Variants in PBX1 observed in about 807,000 individuals in gnomAD.
PBX1 encodes the protein PBX homeobox 1.
A neutral mutation model predicts 53.4 loss-of-function variants in PBX1; 6 were observed. The observed-to-expected ratio is 0.11, with a 90% CI of 0.06 to 0.22. The LOEUF (loss-of-function observed/expected upper bound fraction) is 0.22. PBX1 is among the 10% of genes least tolerant of loss of function. The pLI is 1.00. For synonymous variants in PBX1, 204 were observed against 212.3 expected (o/e 0.96, Z 0.34); for missense variants, 251 against 551.4 (o/e 0.46, Z 5.46).
At chr1:164,566,954 C>G (rs1235510278) in intron 2 of PBX1, among the ~76,000 whole-genome samples, 1 of 152,078 alleles carries the variant, frequency 6.6e-6, no homozygotes, top group East Asian at 1.9e-4. Context: ...CCTTAACACC[C>G]TTTTGTTCTC....
At chr1:164,711,859 C>T (rs73025047) in intron 2 of PBX1, among the ~76,000 whole-genome samples, 1,905 of 152,322 alleles carry the variant, frequency 0.013, 37 homozygotes, top group African/African-American at 0.043. Context: ...GAAATGTGGC[C>T]TTCACAGGCC....
intron 2 of PBX1, chr1:164,772,841 A>G (rs1375767607): frequency 2.6e-5 from 4 of 152,224 alleles, no homozygotes; most frequent in Non-Finnish European, 5.9e-5. Context: ...CTGGCTCATG[A>G]TAAGTGGTTA....
chr1:164,860,893 A>G (rs1266172090), intron 2 of PBX1, among the ~76,000 whole-genome samples: 1 of 152,102 alleles, frequency 6.6e-6, no homozygotes, highest in East Asian at 1.9e-4. Flanking sequence ...GAAGAGGGAG[A>G]AAGGGAATAA....
intron 2 of PBX1, among the ~76,000 whole-genome samples, chr1:164,863,387 TC>T (rs1672142755): frequency 6.6e-6 from 1 of 152,174 alleles, no homozygotes; most frequent in Admixed American, 6.5e-5. Context: ...AACACATGTT[TC>T]CCGAGAGCCT....
intron 2 of PBX1, among the ~76,000 whole-genome samples, chr1:164,633,309 C>T (rs553729755): frequency 4.6e-4 from 70 of 152,130 alleles, no homozygotes; most frequent in Non-Finnish European, 5.6e-4. Context: ...GTCACCATGC[C>T]CGGCTAATTT....
chr1:164,815,665 T>A (rs1192511769), intron 6 of PBX1: 3 of 152,190 alleles, frequency 2.0e-5, no homozygotes, highest in Non-Finnish European at 4.4e-5. Context: ...CAGGAAGAAG[T>A]GCCGAGTGAA....
rs574311418 is a variant in PBX1 at position 164,732,879 on chromosome 1, C to T, written c.266-59615C>T. Among the ~76,000 whole-genome samples, 19 of 151,786 alleles carry T rather than the reference C, an allele frequency of 1.3e-4. 1 individual carries two copies. In the South Asian group the frequency reaches 4.0e-3, roughly 32 times the overall value. On this transcript the variant is annotated intron_variant, in intron 2 of 8. Transcript: ENST00000420696. Reference sequence around the variant, plus strand: ...TTCTCTTTTTTATGTCGTCTGAATTCTCAAAGACAGAAATCTACACTTCCT... The same window carrying T: ...TTCTCTTTTTTATGTCGTCTGAATTTTCAAAGACAGAAATCTACACTTCCT...
intron 2 of PBX1, among the ~76,000 whole-genome samples, chr1:164,647,058 C>A (rs577883323): frequency 7.2e-4 from 110 of 152,340 alleles, no homozygotes; most frequent in African/African-American, 2.5e-3. Flanking sequence ...TCAACCCCTG[C>A]ACCTTTGTTT....
intron 6 of PBX1, chr1:164,817,951 G>T (rs1375863791): frequency 6.6e-6 from 1 of 152,220 alleles, no homozygotes; most frequent in Non-Finnish European, 1.5e-5. Flanking sequence ...ACATCATCTA[G>T]AGACGATGGG....
chr1:164,714,554 A>G (rs1663983498), intron 2 of PBX1, among the ~76,000 whole-genome samples: 1 of 152,224 alleles, frequency 6.6e-6, no homozygotes, highest in Admixed American at 6.5e-5. Context: ...ACTGAAGAAG[A>G]TATTTAGGCC....
intron 2 of PBX1, chr1:164,642,003 T>G (rs1045858845): frequency 1.3e-5 from 2 of 152,220 alleles, no homozygotes; most frequent in Non-Finnish European, 2.9e-5. Context: ...CACTGCTTTT[T>G]GGTGGCTCTT....
chr1:164,809,129 C>T (rs149050772), intron 5 of PBX1, among the ~76,000 whole-genome samples: 127 of 152,254 alleles, frequency 8.3e-4, no homozygotes, highest in South Asian at 2.3e-3. Context: ...ATCATGGAAC[C>T]TTCTGCTTTT....
chr1:164,601,235 CAAAAAAAAAAAAAA>C (rs746798555), intron 2 of PBX1, among the ~76,000 whole-genome samples: 2 of 33,998 alleles, frequency 5.9e-5, no homozygotes, highest in East Asian at 1.6e-3. Flanking sequence ...GATTCTGTCT[CAAAAAAAAAAAAAA>C]AAAAAAAAAA....
At chr1:164,668,089 G>A (rs1207185791) in intron 2 of PBX1, among the ~76,000 whole-genome samples, 1 of 152,086 alleles carries the variant, frequency 6.6e-6, no homozygotes, top group Non-Finnish European at 1.5e-5. Flanking sequence ...CCTTTCCTAG[G>A]TGAATTCCTC....
chr1:164,807,525 C>T lies in PBX1; in HGVS notation c.702-17C>T. ...GGTGTGAGCCTTTTTGTTATTATTT[C>T]CTTTCTCTTTACAAAGGCGGAAGAG... On this transcript the variant is annotated splice_polypyrimidine_tract_variant and intron_variant, in intron 4 of 8. Transcript: ENST00000420696. 3.7e-6 allele frequency: 6 copies of T among 1,609,432 alleles called. No individual in the cohort carries two copies. Among genetic ancestry groups the T allele is most frequent in the Non-Finnish European group, 4.2e-6 (5 of 1,177,848 alleles).
chr1:164,597,509 A>AT (rs1655854004), intron 2 of PBX1, among the ~76,000 whole-genome samples: 1 of 152,170 alleles, frequency 6.6e-6, no homozygotes, highest in Non-Finnish European at 1.5e-5. Flanking sequence ...ACACTTTGAA[A>AT]TTTGTTGGCC....
At chr1:164,844,240 C>T (rs998358334) in intron 8 of PBX1, among the ~76,000 whole-genome samples, 1 of 151,010 alleles carries the variant, frequency 6.6e-6, no homozygotes, top group Non-Finnish European at 1.5e-5. Context: ...CACTTTGTTT[C>T]CAAATATCTT....
At chr1:164,602,963 G>C (rs527844574) in intron 2 of PBX1, among the ~76,000 whole-genome samples, 2 of 152,252 alleles carry the variant, frequency 1.3e-5, no homozygotes, top group South Asian at 4.1e-4. Context: ...TCTCTTGCTG[G>C]AGGCCTGAGT....
chr1:164,882,991 A>G (rs1440553739), intron 2 of PBX1, among the ~76,000 whole-genome samples: 1 of 152,242 alleles, frequency 6.6e-6, no homozygotes, highest in East Asian at 1.9e-4. Context: ...GAATTATAAA[A>G]GCTACCGAAC....
Sources: gnomAD v4.1 joint callset for allele counts (sites outside exome capture counted in the v4.1 genomes callset) on GRCh38, gnomAD v4.1.1 for gene constraint, MANE v1.5 for transcripts, NCBI Gene and HGNC (gene_info 2026-07-23, HGNC 2026-07-21) for gene names.